The following C2CD3 variants were observed in gnomAD, a reference collection of about 807,000 sequenced individuals.
C2CD3 encodes the protein C2 domain-containing protein 3.
A neutral mutation model predicts 234.0 loss-of-function variants in C2CD3; 148 were observed. The observed-to-expected ratio is 0.63, with a 90% confidence interval of 0.55 to 0.72. C2CD3 has a LOEUF of 0.72. C2CD3 is among the 30% of genes least tolerant of loss of function. The pLI is 0.00. For synonymous variants in C2CD3, 1,000 were observed against 1,035.4 expected (o/e 0.97, Z 0.66); for missense variants, 2,577 against 2,811.5 (o/e 0.92, Z 1.89).
Position 74,151,171 on chromosome 11 carries a change from G to A in C2CD3, c.483+10228C>T, listed in dbSNP as rs147926961. Among the ~76,000 whole-genome samples, 126 of 152,172 alleles carry A rather than the reference G, an allele frequency of 8.3e-4. 1 individual carries two copies. The East Asian group carries it at 0.023, about 28-fold the overall frequency. On this transcript the variant is annotated intron_variant, in intron 3 of 32. Transcript: ENST00000334126. Reference sequence around the variant, plus strand: ...GAACTCCTGACCTGGTGATCCGCCCGCCTCGGCCTCCCAAAGTGCTGGGAT... The same window carrying A: ...GAACTCCTGACCTGGTGATCCGCCCACCTCGGCCTCCCAAAGTGCTGGGAT...
At chr11:74,126,237 G>T (rs778223710) in intron 7 of C2CD3, among the ~76,000 whole-genome samples, 1 of 152,166 alleles carries the variant, frequency 6.6e-6, no homozygotes, top group Non-Finnish European at 1.5e-5. Context: ...TAGAAAATCT[G>T]ATGTCATTCC....
chr11:74,073,869 T>C (rs1954910932), intron 24 of C2CD3, among the ~76,000 whole-genome samples: 1 of 152,216 alleles, frequency 6.6e-6, no homozygotes, highest in Non-Finnish European at 1.5e-5. Flanking sequence ...GTTTGAACTT[T>C]TCACGGATCC....
chr11:74,080,851 G>T lies in C2CD3; in HGVS notation c.4001-2134C>A, dbSNP rs142183258. Among the ~76,000 whole-genome samples the T allele has an allele frequency of 1.5e-3, 233 of 152,216 alleles. 1 individual carries two copies. Among genetic ancestry groups the T allele is most frequent in the Non-Finnish European group, 1.4e-3 (98 of 68,006 alleles). On this transcript the variant is annotated intron_variant, in intron 22 of 32. Transcript: ENST00000334126. ...AATGCTTTAATAATCTAGTGAAATA[G>T]ATCTTACTATTTCCATTACAGATGA...
Position 74,100,397 on chromosome 11 carries a change from G to A in C2CD3, c.2732+128C>T. On this transcript the variant is annotated intron_variant, in intron 15 of 32. Coordinates refer to ENST00000334126, the MANE Select transcript of C2CD3 (RefSeq NM_001286577.2). The stretch of plus-strand genomic sequence containing the variant: ...GAATAGGAGAAAGAGCAGCAACTCT[G>A]TTGAAACTGGAAAAAGTCCTTCAAG... 9.6e-6 allele frequency: 8 copies of A among 836,476 alleles called. No individual in the cohort carries two copies. In the South Asian group the frequency reaches 1.3e-4, roughly 13 times the overall value. The allele number at this position is 836,476 out of a possible 1,614,324, so 51.8% of individuals were successfully genotyped here.
At chr11:74,147,052 A>AAAAATAAAATAAAAT (rs200057554) in intron 3 of C2CD3, among the ~76,000 whole-genome samples, 42 of 149,598 alleles carry the variant, frequency 2.8e-4, no homozygotes, top group African/African-American at 7.1e-4. Context: ...CTCTGTCTCA[A>AAAAATAAAATAAAAT]AAAATAAAAT....
chr11:74,095,173 T>A, intron 17 of C2CD3, 55 bp downstream of exon 17: 1 of 1,233,632 alleles, frequency 8.1e-7, no homozygotes. Flanking sequence ...AACTCTTAAG[T>A]ATAATCTAAT....
intron 28 of C2CD3, among the ~76,000 whole-genome samples, chr11:74,042,866 A>G (rs1213818881): frequency 1.3e-5 from 2 of 152,248 alleles, no homozygotes; most frequent in African/African-American, 4.8e-5. Context: ...CCCTGCTGTA[A>G]GCATTCAACA....
intron 13 of C2CD3, among the ~76,000 whole-genome samples, chr11:74,105,844 T>A (rs954735951): frequency 2.6e-5 from 4 of 152,192 alleles, no homozygotes; most frequent in African/African-American, 9.6e-5. Context: ...ACAGTAATCT[T>A]GTAAAATGGA....
chr11:74,078,069 G>C, intron 23 of C2CD3, 46 bp downstream of exon 23: 3 of 1,576,432 alleles, frequency 1.9e-6, no homozygotes, highest in African/African-American at 2.7e-5. Flanking sequence ...GTTTGACACA[G>C]AGCAGGTGCT....
chr11:74,016,958 G>A (rs1280280718), intron 32 of C2CD3, among the ~76,000 whole-genome samples: 4 of 152,180 alleles, frequency 2.6e-5, no homozygotes, highest in East Asian at 3.9e-4. Flanking sequence ...TCCATGGGGT[G>A]AAGTCCCTGG....
At chr11:74,091,342 C>T (rs1471655682) in intron 19 of C2CD3, 2 of 156,944 alleles carry the variant, frequency 1.3e-5, no homozygotes, top group African/African-American at 2.4e-5. Context: ...CCTGAAATAT[C>T]CTTCTCATGC....
chr11:74,017,731 T>A (rs1449574428), intron 32 of C2CD3, among the ~76,000 whole-genome samples: 3 of 152,206 alleles, frequency 2.0e-5, no homozygotes, highest in Non-Finnish European at 4.4e-5. Context: ...ACCACGGGCT[T>A]ATCCCGGCCC....
intron 12 of C2CD3, among the ~76,000 whole-genome samples, chr11:74,107,339 C>T (rs138033869): frequency 1.1e-3 from 173 of 152,064 alleles, no homozygotes; most frequent in Admixed American, 2.4e-3. Context: ...CACACACACA[C>T]ACACACACAC....
chr11:74,033,317 A>T lies in C2CD3; in HGVS notation c.6809+34T>A, dbSNP rs529876839. On this transcript the variant is annotated intron_variant, in intron 31 of 32. Coordinates refer to ENST00000334126, the MANE Select transcript of C2CD3 (RefSeq NM_001286577.2). ...ACACTAGGCTAGTCTAAGTACCTGCATCCAAACCACTTGTGGGAAATGCCA... is the reference window on the plus strand; with the variant it reads ...ACACTAGGCTAGTCTAAGTACCTGCTTCCAAACCACTTGTGGGAAATGCCA... 2.0e-6 allele frequency: 3 copies of T among 1,524,070 alleles called. No individual in the cohort carries two copies. The African/African-American group carries it at 4.1e-5, about 21-fold the overall frequency. The allele number at this position is 1,524,070 out of a possible 1,614,324, so 94.4% of individuals were successfully genotyped here.
At chr11:74,029,712 C>T (rs984111982) in intron 31 of C2CD3, among the ~76,000 whole-genome samples, 3 of 152,190 alleles carry the variant, frequency 2.0e-5, no homozygotes, top group African/African-American at 7.2e-5. Context: ...CTCATGTGTG[C>T]TTTAGGGTCC....
intron 13 of C2CD3, among the ~76,000 whole-genome samples, chr11:74,103,883 A>C (rs1170521692): frequency 6.6e-6 from 1 of 152,238 alleles, no homozygotes; most frequent in Non-Finnish European, 1.5e-5. Context: ...CCAGAAAAGA[A>C]TGGAGCCATG....
chr11:74,100,506 T>C lies in C2CD3; in HGVS notation c.2732+19A>G, dbSNP rs1956273250. 6.3e-7 allele frequency: 1 copy of C among 1,594,522 alleles called. No homozygotes were observed. On this transcript the variant is annotated intron_variant, in intron 15 of 32. Transcript: ENST00000334126. ...GTTAAAGATGCACAATAAAGAATAC[T>C]CCAAAAGGTCCTATTTACTTGAATG...
intron 32 of C2CD3, among the ~76,000 whole-genome samples, chr11:74,027,435 T>C (rs990740424): frequency 6.6e-6 from 1 of 152,174 alleles, no homozygotes; most frequent in Non-Finnish European, 1.5e-5. Context: ...ATAGGCATAA[T>C]GATAGTATAT....
At chr11:74,166,505 C>T (rs752720118) in intron 2 of C2CD3, among the ~76,000 whole-genome samples, 45 of 151,906 alleles carry the variant, frequency 3.0e-4, no homozygotes, top group Non-Finnish European at 6.3e-4. Flanking sequence ...AATTAAGGCC[C>T]AAGAAGATGA....
Sources: allele counts gnomAD v4.1 joint callset (sites outside exome capture counted in the v4.1 genomes callset), GRCh38; gene constraint gnomAD v4.1.1; transcripts MANE v1.5; gene names NCBI Gene and HGNC (gene_info 2026-07-23, HGNC 2026-07-21).